CDK6: variants seen among roughly 807,000 people sequenced by gnomAD.
CDK6 encodes cyclin dependent kinase 6.
CDK6 carries 6 observed loss-of-function variants against 37.1 expected under a neutral mutation model. The ratio of observed to expected loss-of-function variants is 0.16; its 90% confidence interval spans 0.09 to 0.32. CDK6 has a LOEUF of 0.32. CDK6 is among the 10% of genes least tolerant of loss of function. CDK6 has a pLI of 1.00. For missense variants in CDK6, 224 were observed against 418.9 expected (o/e 0.53, Z 4.06); for synonymous variants, 160 against 161.3 (o/e 0.99, Z 0.06).
At chr7:92,671,991 G>A (rs1280571728) in intron 4 of CDK6, among the ~76,000 whole-genome samples, 2 of 150,978 alleles carry the variant, frequency 1.3e-5, no homozygotes, top group Non-Finnish European at 2.9e-5. Flanking sequence ...AAAGGGGGAG[G>A]GTAGAGAAAG....
chr7:92,813,192 C>G (rs1048971711), intron 2 of CDK6, among the ~76,000 whole-genome samples: 4 of 152,086 alleles, frequency 2.6e-5, no homozygotes, highest in Non-Finnish European at 5.9e-5. Flanking sequence ...AATCACAAAT[C>G]ACTTTAGGGT....
intron 3 of CDK6, among the ~76,000 whole-genome samples, chr7:92,737,428 G>A (rs1798813764): frequency 2.0e-5 from 3 of 152,080 alleles, no homozygotes; most frequent in African/African-American, 4.8e-5. Context: ...GTTTCATTTT[G>A]TAAATGACCC....
At chr7:92,808,077 C>A (rs1800774159) in intron 2 of CDK6, among the ~76,000 whole-genome samples, 1 of 152,094 alleles carries the variant, frequency 6.6e-6, no homozygotes, top group Non-Finnish European at 1.5e-5. Flanking sequence ...ACAGATGACT[C>A]CCCTGTAAAT....
At chr7:92,787,530 TTTTG>T (rs1485155327) in intron 2 of CDK6, among the ~76,000 whole-genome samples, 2 of 152,126 alleles carry the variant, frequency 1.3e-5, no homozygotes, top group African/African-American at 4.8e-5. Context: ...AATATAAATT[TTTTG>T]TTTATGTTTT....
chr7:92,747,996 T>C (rs557446489), intron 3 of CDK6, among the ~76,000 whole-genome samples: 1 of 152,298 alleles, frequency 6.6e-6, no homozygotes, highest in East Asian at 1.9e-4. Flanking sequence ...CAGGAAAGAA[T>C]TGAGGGAAAA....
chr7:92,759,076 G>C (rs750942831), intron 3 of CDK6, among the ~76,000 whole-genome samples: 28 of 152,248 alleles, frequency 1.8e-4, no homozygotes, highest in Admixed American at 2.0e-4. Flanking sequence ...TTGTGAGTTA[G>C]GGAACTACAA....
chr7:92,775,182 G>C (rs1032408466), intron 2 of CDK6, among the ~76,000 whole-genome samples: 1 of 152,110 alleles, frequency 6.6e-6, no homozygotes, highest in Non-Finnish European at 1.5e-5. Context: ...GGCAAAATAT[G>C]TTTCTTCTTA....
At position 92,778,946 on chromosome 7, in the gene CDK6, T is replaced by TATAA. The variant is rs1479181745; in HGVS notation, c.234-4116_234-4115insTTAT. Among the ~76,000 whole-genome samples, 505 of 134,520 alleles carry TATAA rather than the reference T, an allele frequency of 3.8e-3. 30 individuals carry two copies. The highest frequency in any genetic ancestry group is 0.012 in the African/African-American group (399 of 33,378). 88.3% of individuals were successfully genotyped at this position (134,520 alleles called of 152,430 possible). Reference sequence around the variant, plus strand: ...TATCATATATATATATATATATATATAAGATATTATAGTAATTTCCAAAAG... The same window carrying TATAA: ...TATCATATATATATATATATATATATATAAAAGATATTATAGTAATTTCCAAAAG... On this transcript the variant is annotated intron_variant, in intron 2 of 7. Transcript: ENST00000424848.
In CDK6 at chr7:92,615,090, G is replaced by A. The variant is rs2116475952; in HGVS notation, c.*50C>T. ...AGGGCTTGCTGAGGGGGACCCATAA[G>A]CCACCAAGGGTGTTCTCCGCAGGAT... On this transcript the variant is annotated 3_prime_UTR_variant, in exon 8 of 8. Coordinates refer to ENST00000424848, the MANE Select transcript of CDK6 (RefSeq NM_001145306.2). The A allele has an allele frequency of 6.2e-7, 1 of 1,602,606 alleles. No homozygotes were observed. Among genetic ancestry groups the A allele is most frequent in the South Asian group, 1.1e-5 (1 of 90,396 alleles).
intron 3 of CDK6, among the ~76,000 whole-genome samples, chr7:92,731,769 A>G (rs756238403): frequency 1.1e-4 from 16 of 152,294 alleles, no homozygotes; most frequent in Non-Finnish European, 2.1e-4. Context: ...AAAAAAGATA[A>G]TAAGTCATTT....
In CDK6 at chr7:92,835,378, C is replaced by G. The variant is rs1056443817; in HGVS notation, c.-368+1100G>C. 3.3e-5 allele frequency: 5 copies of G among 152,070 alleles called. No individual in the cohort carries two copies. Among genetic ancestry groups the G allele is most frequent in the Non-Finnish European group, 7.3e-5 (5 of 68,130 alleles). 9.4% of individuals were successfully genotyped at this position (152,070 alleles called of 1,614,324 possible). ...CTGCGCCTGCTGCCCCCGCCGGGCC[C>G]CGCACTGCCCTGGCTCTCCCCCCAC... On this transcript the variant is annotated intron_variant, in intron 1 of 7. Coordinates refer to ENST00000424848, the MANE Select transcript of CDK6 (RefSeq NM_001145306.2). This position sits in a 1 kb window ranked among gnomAD's most constrained non-coding sequence, Gnocchi z 4.2.
chr7:92,733,359 G>T (rs60924148), intron 3 of CDK6, among the ~76,000 whole-genome samples: 2 of 152,154 alleles, frequency 1.3e-5, no homozygotes, highest in African/African-American at 2.4e-5. Flanking sequence ...TCTTCCTGCA[G>T]GACTCCAACA....
At chr7:92,628,075 T>C (rs1430918638) in intron 5 of CDK6, among the ~76,000 whole-genome samples, 1 of 152,134 alleles carries the variant, frequency 6.6e-6, no homozygotes, top group Non-Finnish European at 1.5e-5. Flanking sequence ...GTTTTGATAA[T>C]CTATTGTTAT....
chr7:92,704,507 T>C (rs1189090846), intron 4 of CDK6, among the ~76,000 whole-genome samples: 5 of 152,196 alleles, frequency 3.3e-5, no homozygotes, highest in Non-Finnish European at 7.4e-5. Flanking sequence ...GTTTTTCATT[T>C]CCTTCCTTAA....
Position 92,609,250 on chromosome 7 carries a change from A to G in CDK6, c.*5890T>C. ...GAAAAATACTGCAATATCCTTCCCT[A>G]CTAAATTTCAAGTGACACTGCTGTG... On this transcript the variant is annotated 3_prime_UTR_variant, in exon 8 of 8. Transcript: ENST00000424848. The G allele has an allele frequency of 4.3e-6, 1 of 232,704 alleles. No individual in the cohort carries two copies. Among genetic ancestry groups the G allele is most frequent in the Non-Finnish European group, 8.5e-6 (1 of 117,722 alleles). 14.4% of individuals were successfully genotyped at this position (232,704 alleles called of 1,614,324 possible).
chr7:92,623,894 T>C (rs1466562487), intron 5 of CDK6, among the ~76,000 whole-genome samples: 1 of 152,172 alleles, frequency 6.6e-6, no homozygotes, highest in Non-Finnish European at 1.5e-5. Context: ...CAAGTAAACG[T>C]TCCCTGATTC....
At chr7:92,766,765 C>T (rs1426347546) in intron 3 of CDK6, among the ~76,000 whole-genome samples, 1 of 152,166 alleles carries the variant, frequency 6.6e-6, no homozygotes, top group African/African-American at 2.4e-5. Context: ...ATACTACCTG[C>T]AAGTTTTAAT....
rs77768543 is a variant in CDK6, at chr7:92,716,138, T to A, written c.537+9488A>T. ...TGTCTAAAACAAATTAAAAAAATTTTTTTGGATGCTTATAATTGATGATGC... is the reference window on the plus strand; with the variant it reads ...TGTCTAAAACAAATTAAAAAAATTTATTTGGATGCTTATAATTGATGATGC... On this transcript the variant is annotated intron_variant, in intron 4 of 7. Transcript: ENST00000424848. Among the ~76,000 whole-genome samples, 9 of 152,300 alleles carry A rather than the reference T, an allele frequency of 5.9e-5. No homozygotes were observed. The East Asian group carries it at 1.2e-3, about 20-fold the overall frequency.
intron 5 of CDK6, among the ~76,000 whole-genome samples, chr7:92,655,226 A>AGACT (rs201173961): frequency 0.013 from 1,923 of 152,274 alleles, 12 homozygotes; most frequent in Non-Finnish European, 0.02. Context: ...TGCCAGTCTT[A>AGACT]GTTTTTTAAT....
Sources: gnomAD v4.1 joint callset for allele counts (sites outside exome capture counted in the v4.1 genomes callset) on GRCh38, gnomAD v4.1.1 for gene constraint, Gnocchi (gnomAD v3.1) non-coding constraint, MANE v1.5 for transcripts, NCBI Gene and HGNC (gene_info 2026-07-23, HGNC 2026-07-21) for gene names.